USP13: variants seen among roughly 807,000 people sequenced by gnomAD.
USP13 encodes the protein ubiquitin specific peptidase 13.
A neutral mutation model predicts 107.8 loss-of-function variants in USP13; 68 were observed. That is an observed-to-expected ratio of 0.63 (90% CI 0.52 to 0.77). USP13 has a LOEUF of 0.77. Ranked by LOEUF, USP13 falls within the 30% of genes least tolerant of loss-of-function variation. The pLI, the probability that USP13 is intolerant of heterozygous loss-of-function variation, is 0.00. For missense variants in USP13, 945 were observed against 1,093.3 expected, an observed-to-expected ratio of 0.86 and a Z score of 1.91; for synonymous variants, 377 against 389.5, an observed-to-expected ratio of 0.97 and a Z score of 0.38.
chr3:179,720,351 G>C (rs914980752), intron 7 of USP13, among the ~76,000 whole-genome samples: 2 of 152,182 alleles, frequency 1.3e-5, no homozygotes, highest in Non-Finnish European at 2.9e-5. Flanking sequence ...GCGAAACGCA[G>C]ATGGTGTAGG....
chr3:179,724,779 C>A (rs981100059), intron 8 of USP13, among the ~76,000 whole-genome samples: 1 of 152,094 alleles, frequency 6.6e-6, no homozygotes, highest in Admixed American at 6.5e-5. Context: ...AATTATCTAG[C>A]GTTTCTTCTG....
intron 8 of USP13, 105 bp from the exon 9 acceptor site, chr3:179,730,084 G>C: frequency 9.4e-7 from 1 of 1,062,882 alleles, no homozygotes. Flanking sequence ...AGATTGTTTA[G>C]TTTGACAAAG....
chr3:179,782,989 C>T (rs1265031908), intron 20 of USP13, among the ~76,000 whole-genome samples: 2 of 152,146 alleles, frequency 1.3e-5, no homozygotes, highest in African/African-American at 2.4e-5. Context: ...AAGTGATCCA[C>T]CCGCCTTGGC....
chr3:179,684,613 G>A (rs1356870081), intron 2 of USP13, among the ~76,000 whole-genome samples: 5 of 152,164 alleles, frequency 3.3e-5, no homozygotes, highest in South Asian at 2.1e-4. Context: ...GAGAGCCACT[G>A]TGCCTGGCTA....
chr3:179,703,003 C>G (rs1215344037), intron 4 of USP13, among the ~76,000 whole-genome samples: 1 of 152,062 alleles, frequency 6.6e-6, no homozygotes, highest in African/African-American at 2.4e-5. Context: ...ATAAAAAAGC[C>G]TTTTCTTATT....
At chr3:179,715,535 T>C (rs1219157146) in intron 6 of USP13, among the ~76,000 whole-genome samples, 1 of 151,714 alleles carries the variant, frequency 6.6e-6, no homozygotes, top group Non-Finnish European at 1.5e-5. Context: ...CAGCTAATTT[T>C]TGTATTTTTA....
In USP13 at chr3:179,653,417, G is replaced by T. The variant is rs1720146646; in HGVS notation, c.168+24G>T. 6.5e-7 allele frequency: 1 copy of T among 1,544,214 alleles called. No individual in the cohort carries two copies. Among genetic ancestry groups the T allele is most frequent in the South Asian group, 1.2e-5 (1 of 83,914 alleles). ...CCGTAAGTGAGGCGCCTCGGGGGAGGGTCGCGGGGCCGGCGGCCTGCGGCA... is the reference window on the plus strand; with the variant it reads ...CCGTAAGTGAGGCGCCTCGGGGGAGTGTCGCGGGGCCGGCGGCCTGCGGCA... On this transcript the variant is annotated intron_variant, in intron 1 of 20. Coordinates refer to ENST00000263966, the MANE Select transcript of USP13 (RefSeq NM_003940.3). This position sits in a 1 kb window ranked among gnomAD's most constrained non-coding sequence, Gnocchi z 4.0.
intron 6 of USP13, among the ~76,000 whole-genome samples, chr3:179,710,223 C>A (rs537692416): frequency 4.5e-4 from 69 of 152,142 alleles, no homozygotes; most frequent in Non-Finnish European, 7.3e-4. Flanking sequence ...TCAAGACAAG[C>A]GTTTGGATTC....
intron 3 of USP13, among the ~76,000 whole-genome samples, chr3:179,693,642 G>A (rs1042473847): frequency 2.0e-5 from 3 of 152,060 alleles, no homozygotes; most frequent in South Asian, 2.1e-4. Context: ...TTTATGTAAC[G>A]GTAAATTTAA....
At chr3:179,679,259 A>C (rs1351951015) in intron 1 of USP13, among the ~76,000 whole-genome samples, 1 of 152,156 alleles carries the variant, frequency 6.6e-6, no homozygotes, top group Non-Finnish European at 1.5e-5. Context: ...ATTTTAAACA[A>C]ACAAATTTTA....
At chr3:179,750,296 ATG>A (rs777649212) in intron 13 of USP13, among the ~76,000 whole-genome samples, 54,247 of 127,624 alleles carry the variant, frequency 0.43, 11,563 homozygotes, top group East Asian at 0.61. Flanking sequence ...AAATATATAT[ATG>A]TGTGTGTATA....
At chr3:179,743,460 G>C (rs867303483) in intron 12 of USP13, among the ~76,000 whole-genome samples, 2 of 151,802 alleles carry the variant, frequency 1.3e-5, no homozygotes, top group Non-Finnish European at 2.9e-5. Flanking sequence ...TGTGTGTGGG[G>C]GGTGGTGGGT....
At position 179,744,663 on chromosome 3, in the gene USP13, G is replaced by A. The variant is rs1346647491; in HGVS notation, c.1535-380G>A. Among the ~76,000 whole-genome samples, 7 of 152,172 alleles carry A rather than the reference G, an allele frequency of 4.6e-5. No homozygotes were observed. In the East Asian group the frequency reaches 7.7e-4, roughly 17 times the overall value. On this transcript the variant is annotated intron_variant, in intron 12 of 20. Transcript: ENST00000263966. ...TTCTGGCTGTGAAATACTCTGATGCGAAGGCCTTGTGTTGGGAGGATGGCA... is the reference window on the plus strand; with the variant it reads ...TTCTGGCTGTGAAATACTCTGATGCAAAGGCCTTGTGTTGGGAGGATGGCA...
intron 20 of USP13, among the ~76,000 whole-genome samples, chr3:179,782,900 C>T (rs1715795237): frequency 6.6e-6 from 1 of 152,126 alleles, no homozygotes; most frequent in Non-Finnish European, 1.5e-5. Flanking sequence ...CATGTGCTAT[C>T]ATGACTGGCT....
At chr3:179,723,484 C>G (rs1362192054) in intron 8 of USP13, among the ~76,000 whole-genome samples, 1 of 152,094 alleles carries the variant, frequency 6.6e-6, no homozygotes, top group African/African-American at 2.4e-5. Context: ...ATGGTACATT[C>G]CATGATGGAG....
intron 1 of USP13, among the ~76,000 whole-genome samples, chr3:179,668,219 C>T (rs902992218): frequency 8.5e-5 from 13 of 152,158 alleles, no homozygotes; most frequent in South Asian, 4.1e-4. Flanking sequence ...AGGCTGGCAT[C>T]GACCTCCTGG....
intron 19 of USP13, among the ~76,000 whole-genome samples, chr3:179,779,094 C>G (rs75531191): frequency 0.029 from 4,382 of 152,092 alleles, 131 homozygotes; most frequent in Middle Eastern, 0.14. Context: ...GCCAAGGTAG[C>G]TGGACCAGAG....
intron 19 of USP13, among the ~76,000 whole-genome samples, chr3:179,773,835 T>C (rs555287818): frequency 1.3e-5 from 2 of 152,340 alleles, no homozygotes; most frequent in South Asian, 4.1e-4. Flanking sequence ...AATCTATACA[T>C]CCTTGAGGAT....
chr3:179,694,309 T>G (rs1049716865), intron 3 of USP13, among the ~76,000 whole-genome samples: 1 of 152,084 alleles, frequency 6.6e-6, no homozygotes, highest in South Asian at 2.1e-4. Context: ...AGATGCTTAT[T>G]TTGCTGTCAT....
Sources: allele counts gnomAD v4.1 joint callset (sites outside exome capture counted in the v4.1 genomes callset), GRCh38; gene constraint gnomAD v4.1.1; non-coding constraint Gnocchi (gnomAD v3.1); transcripts MANE v1.5; gene names NCBI Gene and HGNC (gene_info 2026-07-23, HGNC 2026-07-21).